GRIK1: variants seen among roughly 807,000 people sequenced by gnomAD.
GRIK1 encodes the protein glutamate receptor ionotropic, kainate 1.
GRIK1 carries 69 observed loss-of-function variants against 105.7 expected under a neutral mutation model. The observed-to-expected ratio is 0.65, with a 90% CI of 0.54 to 0.80. The LOEUF (loss-of-function observed/expected upper bound fraction) is 0.80, where lower values mean the gene tolerates loss of function less well. Among genes scored for constraint, GRIK1 ranks in the 30% least tolerant of loss-of-function variants. The pLI is 0.00. For synonymous variants in GRIK1, 438 were observed against 431.3 expected, an observed-to-expected ratio of 1.02 and a Z score of -0.19; for missense variants, 1,109 against 1,167.3, an observed-to-expected ratio of 0.95 and a Z score of 0.73.
intron 1 of GRIK1, among the ~76,000 whole-genome samples, chr21:29,697,927 TC>T (rs1405708130): frequency 6.1e-4 from 82 of 134,546 alleles, no homozygotes; most frequent in African/African-American, 2.6e-3. Context: ...TCTCTCTCTC[TC>T]TCTTTCTTTC....
intron 1 of GRIK1, among the ~76,000 whole-genome samples, chr21:29,812,635 C>A (rs1012215247): frequency 3.9e-5 from 6 of 152,104 alleles, no homozygotes; most frequent in African/African-American, 1.4e-4. Flanking sequence ...CCTTTGGATT[C>A]TTAGGAGATA....
At chr21:29,554,075 TAAAG>T (rs2090188145) in intron 16 of GRIK1, among the ~76,000 whole-genome samples, 1 of 152,174 alleles carries the variant, frequency 6.6e-6, no homozygotes, top group Admixed American at 6.5e-5. Flanking sequence ...GGCTTCCACT[TAAAG>T]AAAGTGGATC....
rs1601868460 is a variant in GRIK1, at chr21:29,857,637, A to G, written c.118+81746T>C. 3.8e-5 allele frequency among the ~76,000 whole-genome samples: 5 copies of G among 132,070 alleles called. No homozygotes were observed. In the South Asian group the frequency reaches 1.3e-3, roughly 34 times the overall value. The allele number at this position is 132,070 out of a possible 152,430, so 86.6% of individuals were successfully genotyped here. A position where few individuals can be genotyped will look rare whatever the true frequency, so the allele number is the denominator to read the frequency against. The stretch of plus-strand genomic sequence containing the variant: ...ACAATAAATAATTTTCATTGTTATG[A>G]AAAGGGTAACCCTTTACATGGAAAA... On this transcript the variant is annotated intron_variant, in intron 1 of 17. Coordinates refer to ENST00000327783, the MANE Select transcript of GRIK1 (RefSeq NM_001330994.2).
chr21:29,572,601 C>A (rs962476717), intron 14 of GRIK1, among the ~76,000 whole-genome samples: 38 of 152,222 alleles, frequency 2.5e-4, no homozygotes, highest in South Asian at 8.3e-4. Context: ...CAAAGAAGAC[C>A]GAGTTTCTAC....
In GRIK1 at chr21:29,706,280, T is replaced by C. The variant is rs73354513; in HGVS notation, c.119-12217A>G. Among the ~76,000 whole-genome samples, 1,361 of 152,354 alleles carry C rather than the reference T, an allele frequency of 8.9e-3. 22 individuals are homozygous for C. Among genetic ancestry groups the C allele is most frequent in the African/African-American group, 0.031 (1,297 of 41,584 alleles). ...AAAATCCATCCTTTTAATAACTTTT[T>C]CATTTACTGATTTAAATAATTGTAC... On this transcript the variant is annotated intron_variant, in intron 1 of 17. Transcript: ENST00000327783.
chr21:29,565,779 A>G (rs1568824918), intron 14 of GRIK1, among the ~76,000 whole-genome samples: 1 of 152,188 alleles, frequency 6.6e-6, no homozygotes, highest in Non-Finnish European at 1.5e-5. Flanking sequence ...GGAGTATGTC[A>G]TGCTTAGACG....
intron 1 of GRIK1, among the ~76,000 whole-genome samples, chr21:29,769,561 G>A (rs1216672988): frequency 2.0e-5 from 3 of 152,046 alleles, no homozygotes; most frequent in African/African-American, 7.2e-5. Flanking sequence ...TAGGGTTTGC[G>A]CTCCTAAGAG....
chr21:29,788,558 G>T (rs780520885), intron 1 of GRIK1, among the ~76,000 whole-genome samples: 3 of 152,174 alleles, frequency 2.0e-5, no homozygotes, highest in Non-Finnish European at 2.9e-5. Flanking sequence ...GATAATTTTT[G>T]CATGGACCAA....
chr21:29,617,395 T>G (rs2061877528), intron 7 of GRIK1, among the ~76,000 whole-genome samples: 1 of 152,220 alleles, frequency 6.6e-6, no homozygotes, highest in African/African-American at 2.4e-5. Context: ...TGTTCCCGTG[T>G]GCAAGTTTGA....
chr21:29,673,110 A>G lies in GRIK1; in HGVS notation c.599T>C (p.Ile200Thr). 1 of 1,612,794 alleles carries G rather than the reference A, an allele frequency of 6.2e-7. No homozygotes were observed. Among genetic ancestry groups the G allele is most frequent in the Non-Finnish European group, 8.5e-7 (1 of 1,178,906 alleles). The change falls in exon 4 of 18, where the codon ATC (isoleucine) becomes ACC (threonine). Residue 200 changes from isoleucine (I) to threonine (T), a missense_variant. Transcript: ENST00000327783. ...IKAPSRYNIK[I>T]KIRQLPSGNK... The stretch of plus-strand genomic sequence containing the variant: ...CCCAGAGGGCAGCTGGCGGATTTTG[A>G]TTTTAATATTATATCTGGAGGGAGC...
In GRIK1 at chr21:29,837,522, G is replaced by T. The variant is rs143721274; in HGVS notation, c.118+101861C>A. On this transcript the variant is annotated intron_variant, in intron 1 of 17. Transcript: ENST00000327783. Reference sequence around the variant, plus strand: ...GCACTGAGAAACTGAAGAATAGGAGGACTAGGCAACCACCAATGGGGGGGA... The same window carrying T: ...GCACTGAGAAACTGAAGAATAGGAGTACTAGGCAACCACCAATGGGGGGGA... Among the ~76,000 whole-genome samples the T allele has an allele frequency of 2.2e-4, 34 of 152,222 alleles. 1 individual carries two copies. In the East Asian group the frequency reaches 5.2e-3, roughly 23 times the overall value.
At chr21:29,568,015 T>A (rs915814952) in intron 14 of GRIK1, among the ~76,000 whole-genome samples, 1 of 152,296 alleles carries the variant, frequency 6.6e-6, no homozygotes, top group Admixed American at 6.5e-5. Flanking sequence ...TTTAAAAAAT[T>A]TATGGATTCC....
At chr21:29,833,628 A>T (rs1455007427) in intron 1 of GRIK1, among the ~76,000 whole-genome samples, 2 of 152,126 alleles carry the variant, frequency 1.3e-5, no homozygotes, top group Non-Finnish European at 2.9e-5. Flanking sequence ...ATCTCATGAG[A>T]ACTCACTCAC....
intron 3 of GRIK1, among the ~76,000 whole-genome samples, chr21:29,683,831 A>G (rs2063428216): frequency 6.6e-6 from 1 of 152,236 alleles, no homozygotes; most frequent in South Asian, 2.1e-4. Context: ...CCATGATATG[A>G]AATACTTAAT....
chr21:29,768,857 C>A (rs1322364889), intron 1 of GRIK1, among the ~76,000 whole-genome samples: 3 of 152,204 alleles, frequency 2.0e-5, no homozygotes, highest in Admixed American at 2.0e-4. Flanking sequence ...CAAGTCTATT[C>A]TTCACACTCA....
intron 1 of GRIK1, among the ~76,000 whole-genome samples, chr21:29,802,486 G>T (rs926221257): frequency 1.9e-4 from 29 of 151,866 alleles, no homozygotes; most frequent in African/African-American, 6.0e-4. Context: ...TATTGCTCTT[G>T]TTACTTTCCT....
intron 1 of GRIK1, among the ~76,000 whole-genome samples, chr21:29,781,511 T>C (rs1454589561): frequency 6.6e-6 from 1 of 152,170 alleles, no homozygotes; most frequent in Non-Finnish European, 1.5e-5. Context: ...GAACATTCAA[T>C]GGATTTAATG....
intron 1 of GRIK1, among the ~76,000 whole-genome samples, chr21:29,903,451 A>G (rs2070487018): frequency 2.0e-5 from 3 of 152,132 alleles, no homozygotes; most frequent in Admixed American, 2.0e-4. Context: ...AAAGCAAACA[A>G]CCTCATCAAA....
intron 1 of GRIK1, among the ~76,000 whole-genome samples, chr21:29,812,682 G>T (rs2067043036): frequency 6.6e-6 from 1 of 152,106 alleles, no homozygotes; most frequent in Non-Finnish European, 1.5e-5. Flanking sequence ...CTAGCTCATT[G>T]TGAAGCCACT....
Sources: allele counts gnomAD v4.1 joint callset (sites outside exome capture counted in the v4.1 genomes callset), GRCh38; gene constraint gnomAD v4.1.1; transcripts MANE v1.5; gene names NCBI Gene and HGNC (gene_info 2026-07-23, HGNC 2026-07-21).